CCDC93: variants seen among roughly 807,000 people sequenced by gnomAD.
The protein encoded by CCDC93 is CCC complex scaffolding subunit CCDC93, also known as coiled-coil domain-containing protein 93.
A neutral mutation model predicts 108.2 loss-of-function variants in CCDC93; 61 were observed. The ratio of observed to expected loss-of-function variants is 0.56; its 90% CI spans 0.46 to 0.70. CCDC93 has a LOEUF of 0.70. CCDC93 is among the 30% of genes least tolerant of loss of function. CCDC93 has a pLI of 0.00. For synonymous variants in CCDC93, 276 were observed against 260.4 expected (o/e 1.06, Z -0.58); for missense variants, 685 against 764.2 (o/e 0.90, Z 1.22).
At chr2:118,000,772 A>G in intron 4 of CCDC93, 49 bp downstream of exon 4, 1 of 1,230,348 alleles carries the variant, frequency 8.1e-7, no homozygotes. Context: ...CAGGCCCATC[A>G]CAGGAATTCT....
intron 23 of CCDC93, among the ~76,000 whole-genome samples, chr2:117,928,923 T>C (rs971818509): frequency 3.3e-5 from 5 of 152,288 alleles, no homozygotes; most frequent in African/African-American, 1.2e-4. Context: ...CGGAATACTA[T>C]GCAGCCATAA....
At chr2:117,944,544 T>C (rs1164119634) in intron 17 of CCDC93, among the ~76,000 whole-genome samples, 1 of 151,814 alleles carries the variant, frequency 6.6e-6, no homozygotes, top group Non-Finnish European at 1.5e-5. Context: ...AAAGTTCTTT[T>C]GGACAGCATT....
At chr2:118,007,142 A>C (rs1676895191) in intron 2 of CCDC93, among the ~76,000 whole-genome samples, 1 of 152,222 alleles carries the variant, frequency 6.6e-6, no homozygotes. Flanking sequence ...AAATGAACAT[A>C]CTGTACATAG....
At position 117,944,006 on chromosome 2, in the gene CCDC93, T is replaced by A; in HGVS notation, c.1413+18A>T. 1 of 1,555,638 alleles carries A rather than the reference T, an allele frequency of 6.4e-7. No homozygotes were observed. The highest frequency in any genetic ancestry group is 8.8e-7 in the Non-Finnish European group (1 of 1,142,820). The stretch of plus-strand genomic sequence containing the variant: ...AGTTAGAAGCATTTATGCATATTTT[T>A]GTCCTTCTTTTACTCACCTGTAGTA... On this transcript the variant is annotated intron_variant, in intron 18 of 23. Coordinates refer to ENST00000376300, the MANE Select transcript of CCDC93 (RefSeq NM_019044.5).
At chr2:117,973,252 T>G (rs1449864549) in intron 11 of CCDC93, among the ~76,000 whole-genome samples, 1 of 152,038 alleles carries the variant, frequency 6.6e-6, no homozygotes, top group Non-Finnish European at 1.5e-5. Context: ...GACATCAACA[T>G]TTTAGGGGGA....
chr2:117,934,584 T>C (rs1002370039), intron 22 of CCDC93: 5 of 154,020 alleles, frequency 3.2e-5, no homozygotes, highest in Non-Finnish European at 5.9e-5. Flanking sequence ...GAAAGGGATA[T>C]GGAGCACTTC....
At chr2:118,008,483 C>G in intron 2 of CCDC93, 62 bp downstream of exon 2, 1 of 918,940 alleles carries the variant, frequency 1.1e-6, no homozygotes, top group Non-Finnish European at 1.7e-6. Flanking sequence ...CCTTTCTTTG[C>G]CATGATTAAC....
rs768238854 is a variant in CCDC93, at chr2:117,975,197, T to A, written c.741A>T (p.Ala247=). The A allele has an allele frequency of 6.2e-7, 1 of 1,613,698 alleles. No individual in the cohort carries two copies. Among genetic ancestry groups the A allele is most frequent in the Non-Finnish European group, 8.5e-7 (1 of 1,179,720 alleles). ...TACATGGACCACACACCTCTTCAGC[T>A]GCTCGAAGCTCATCTTCCTCGTGGG... The part of the protein sequence containing the change: ...ADAHEEDELR[A]AEEQRIQSLM... Residue 247 remains alanine (A), a synonymous_variant, in exon 9 of 24, where the codon GCA becomes GCT. Transcript: ENST00000376300.
intron 3 of CCDC93, among the ~76,000 whole-genome samples, chr2:118,006,069 G>C (rs890172733): frequency 2.0e-5 from 3 of 151,822 alleles, no homozygotes; most frequent in African/African-American, 7.3e-5. Flanking sequence ...CACCATTATT[G>C]CTTCCTGTTA....
At chr2:117,961,701 G>A (rs536148210) in intron 11 of CCDC93, among the ~76,000 whole-genome samples, 1 of 152,312 alleles carries the variant, frequency 6.6e-6, no homozygotes, top group East Asian at 1.9e-4. Flanking sequence ...GAGATACGAT[G>A]AGAAAGAAAA....
chr2:117,949,631 AC>A, intron 13 of CCDC93: 1 of 421,350 alleles, frequency 2.4e-6, no homozygotes, highest in Non-Finnish European at 3.2e-6. Flanking sequence ...TGAAGAAAAC[AC>A]CGTTTCTCCA....
chr2:117,975,522 C>A (rs1476505593), intron 8 of CCDC93, among the ~76,000 whole-genome samples: 1 of 152,208 alleles, frequency 6.6e-6, no homozygotes, highest in Non-Finnish European at 1.5e-5. Context: ...TAAATTCAGG[C>A]CACACACATT....
intron 12 of CCDC93, among the ~76,000 whole-genome samples, chr2:117,955,482 G>A (rs552234473): frequency 4.0e-4 from 61 of 152,280 alleles, no homozygotes; most frequent in Admixed American, 8.5e-4. Context: ...TTTTTGAGAA[G>A]TTAGGGAACA....
intron 11 of CCDC93, among the ~76,000 whole-genome samples, chr2:117,961,665 G>A (rs1679398088): frequency 6.6e-6 from 1 of 152,164 alleles, no homozygotes; most frequent in Non-Finnish European, 1.5e-5. Context: ...AAACCAGCAG[G>A]TCTCATCTAA....
chr2:117,967,540 C>A (rs1183871736), intron 11 of CCDC93, among the ~76,000 whole-genome samples: 3 of 152,158 alleles, frequency 2.0e-5, no homozygotes, highest in African/African-American at 4.8e-5. Context: ...TCTAAGGAGG[C>A]ACAGCCACAG....
At chr2:117,954,959 TA>T (rs1288412110) in intron 12 of CCDC93, among the ~76,000 whole-genome samples, 1 of 152,184 alleles carries the variant, frequency 6.6e-6, no homozygotes, top group African/African-American at 2.4e-5. Flanking sequence ...GCCATGATTC[TA>T]AATTTACCCT....
At position 118,008,957 on chromosome 2, in the gene CCDC93, T is replaced by C. The variant is rs540114926; in HGVS notation, c.43-299A>G. 6 of 255,924 alleles carry C rather than the reference T, an allele frequency of 2.3e-5. No homozygotes were observed. In the South Asian group the frequency reaches 5.3e-4, roughly 23 times the overall value. 15.9% of individuals were successfully genotyped at this position (255,924 alleles called of 1,614,324 possible). A position where few individuals can be genotyped will look rare whatever the true frequency, so the allele number is the denominator to read the frequency against. On this transcript the variant is annotated intron_variant, in intron 1 of 23. Coordinates refer to ENST00000376300, the MANE Select transcript of CCDC93 (RefSeq NM_019044.5). ...GAAGGAATCCAGGGAAAAGGAAGGT[T>C]AGAGCACAATACTTCCTTTTTCTCT... is the stretch of plus-strand genomic sequence containing the variant.
At chr2:117,933,596 T>C (rs561971977) in intron 22 of CCDC93, among the ~76,000 whole-genome samples, 2 of 152,250 alleles carry the variant, frequency 1.3e-5, no homozygotes, top group African/African-American at 4.8e-5. Context: ...GCTGGTCTAC[T>C]ATGTAACACT....
chr2:117,996,510 T>C lies in CCDC93; in HGVS notation c.364-148A>G, dbSNP rs752138282. 1.6e-5 allele frequency: 9 copies of C among 573,920 alleles called. 1 individual carries two copies. The highest frequency in any genetic ancestry group is 3.3e-4 in the Middle Eastern group (1 of 2,994). 35.6% of individuals were successfully genotyped at this position (573,920 alleles called of 1,614,324 possible). ...GAAGCTATCAACACATGCTGTTCTA[T>C]AGGAAAAGCAACCAGCTGGGTATCC... On this transcript the variant is annotated intron_variant, in intron 4 of 23. Transcript: ENST00000376300.
Sources: allele counts gnomAD v4.1 joint callset (sites outside exome capture counted in the v4.1 genomes callset), GRCh38; gene constraint gnomAD v4.1.1; transcripts MANE v1.5; gene names NCBI Gene and HGNC (gene_info 2026-07-23, HGNC 2026-07-21).